SLC8A2: variants seen among roughly 807,000 people sequenced by gnomAD.
SLC8A2 encodes solute carrier family 8 member A2.
Under a neutral mutation model 70.2 loss-of-function variants are expected in SLC8A2, and 14 were observed. The ratio of observed to expected loss-of-function variants is 0.20; its 90% CI spans 0.13 to 0.31. The LOEUF is 0.31. SLC8A2 is among the 10% of genes least tolerant of loss of function. The pLI is 1.00. For missense variants in SLC8A2, 779 were observed against 1,320.1 expected (o/e 0.59, Z 6.35); for synonymous variants, 575 against 594.3 (o/e 0.97, Z 0.47).
intron 2 of SLC8A2, among the ~76,000 whole-genome samples, chr19:47,463,483 G>A (rs1599859658): frequency 1.3e-5 from 2 of 148,572 alleles, no homozygotes; most frequent in Middle Eastern, 7.1e-3. Flanking sequence ...TGTAATCCCA[G>A]CACTTTGGGA....
At chr19:47,453,562 C>T (rs1210437496) in intron 3 of SLC8A2, among the ~76,000 whole-genome samples, 1 of 152,174 alleles carries the variant, frequency 6.6e-6, no homozygotes, top group Admixed American at 6.5e-5. Flanking sequence ...CTCTTCTTAG[C>T]CCTTTGGTTC....
Position 47,468,755 on chromosome 19 carries a change from G to C in SLC8A2, c.-16-2336C>G, listed in dbSNP as rs978351544. 2.6e-5 allele frequency among the ~76,000 whole-genome samples: 4 copies of C among 152,130 alleles called. No individual in the cohort carries two copies. The East Asian group carries it at 7.7e-4, about 29-fold the overall frequency. On this transcript the variant is annotated intron_variant, in intron 1 of 9. Transcript: ENST00000236877. The surrounding 1 kb of genome is among the most constrained non-coding windows in gnomAD (Gnocchi z 5.1). Reference sequence around the variant, plus strand: ...AAGGCGCAGAGAGGTTACGGAACTTGCCCACATCATCCAGCACCAACTCTG... The same window carrying C: ...AAGGCGCAGAGAGGTTACGGAACTTCCCCACATCATCCAGCACCAACTCTG...
At chr19:47,470,370 C>T (rs955170924) in intron 1 of SLC8A2, among the ~76,000 whole-genome samples, 3 of 152,088 alleles carry the variant, frequency 2.0e-5, no homozygotes, top group African/African-American at 7.2e-5. Context: ...CACACACACA[C>T]ACACACACAC....
At chr19:47,463,846 A>G (rs1967426917) in intron 2 of SLC8A2, among the ~76,000 whole-genome samples, 1 of 152,148 alleles carries the variant, frequency 6.6e-6, no homozygotes, top group Non-Finnish European at 1.5e-5. Context: ...GGAACAATTC[A>G]GTTAATCCTC....
intron 4 of SLC8A2, among the ~76,000 whole-genome samples, chr19:47,446,409 T>C (rs1967163248): frequency 6.6e-6 from 1 of 152,122 alleles, no homozygotes; most frequent in Non-Finnish European, 1.5e-5. Flanking sequence ...TACGTGTCCG[T>C]GATTTTATGT....
At chr19:47,440,630 TC>T (rs1399154487) in intron 6 of SLC8A2, among the ~76,000 whole-genome samples, 2 of 151,920 alleles carry the variant, frequency 1.3e-5, no homozygotes, top group Non-Finnish European at 2.9e-5. Flanking sequence ...TCGTTCTTGT[TC>T]CCCAGCGTGG....
chr19:47,459,190 C>G (rs1967356863), intron 2 of SLC8A2, among the ~76,000 whole-genome samples: 1 of 151,838 alleles, frequency 6.6e-6, no homozygotes. Flanking sequence ...CCACATTTCT[C>G]TCTCTCCATC....
At chr19:47,439,925 A>G (rs1417516322) in intron 6 of SLC8A2, among the ~76,000 whole-genome samples, 1 of 152,194 alleles carries the variant, frequency 6.6e-6, no homozygotes, top group Non-Finnish European at 1.5e-5. Context: ...GGGCCTCTCA[A>G]AGTGCTGGGA....
chr19:47,437,721 T>G, intron 7 of SLC8A2, 128 bp downstream of exon 7: 2 of 1,227,628 alleles, frequency 1.6e-6, no homozygotes, highest in Non-Finnish European at 2.4e-6. Flanking sequence ...GCATGTGCTG[T>G]CCGTGGTCCT....
chr19:47,464,271 C>T (rs1967431688), intron 2 of SLC8A2, among the ~76,000 whole-genome samples: 1 of 152,006 alleles, frequency 6.6e-6, no homozygotes, highest in African/African-American at 2.4e-5. Context: ...ACCACCATGC[C>T]AGGCTAGTTT....
intron 2 of SLC8A2, among the ~76,000 whole-genome samples, chr19:47,461,679 C>T (rs141413822): frequency 7.8e-4 from 119 of 152,298 alleles, no homozygotes; most frequent in African/African-American, 2.5e-3. Context: ...GAAAAGGAGC[C>T]GAATGTTCAG....
At chr19:47,439,029 A>G (rs1444466837) in intron 6 of SLC8A2, among the ~76,000 whole-genome samples, 1 of 152,134 alleles carries the variant, frequency 6.6e-6, no homozygotes, top group East Asian at 1.9e-4. Flanking sequence ...AGTTATGGAC[A>G]CTAGAATGTG....
Position 47,450,238 on chromosome 19 carries a change from T to C in SLC8A2, c.1341-2007A>G, listed in dbSNP as rs529077855. 2.0e-4 allele frequency among the ~76,000 whole-genome samples: 31 copies of C among 152,240 alleles called. 1 individual carries two copies. The South Asian group carries it at 5.4e-3, about 26-fold the overall frequency. On this transcript the variant is annotated intron_variant, in intron 3 of 9. Transcript: ENST00000236877. The stretch of plus-strand genomic sequence containing the variant: ...TATCACTTTCATATTAAAGGGGTTC[T>C]GGGGCCGGGCGCGGTGGCTCACGCC...
rs1028604115 is a variant in SLC8A2, at chr19:47,452,441, A to T, written c.1341-4210T>A. On this transcript the variant is annotated intron_variant, in intron 3 of 9. Coordinates refer to ENST00000236877, the MANE Select transcript of SLC8A2 (RefSeq NM_015063.3). Reference sequence around the variant, plus strand: ...GAGAGAGAGAGAGAGAGAGAGAGAGAGAGAGTGTGTGTGTGTGTGTGTGTG... The same window carrying T: ...GAGAGAGAGAGAGAGAGAGAGAGAGTGAGAGTGTGTGTGTGTGTGTGTGTG... 7.8e-3 allele frequency among the ~76,000 whole-genome samples: 508 copies of T among 65,084 alleles called. 4 individuals are homozygous for T. Among genetic ancestry groups the T allele is most frequent in the African/African-American group, 0.025 (371 of 15,132 alleles). 42.7% of individuals were successfully genotyped at this position (65,084 alleles called of 152,430 possible). A position where few individuals can be genotyped will look rare whatever the true frequency, so the allele number is the denominator to read the frequency against.
In SLC8A2 at chr19:47,432,479, CAG is replaced by C. The variant is rs1568439007; in HGVS notation, c.2111-36_2111-35del. 6.5e-7 allele frequency: 1 copy of C among 1,537,664 alleles called. No homozygotes were observed. Among genetic ancestry groups the C allele is most frequent in the South Asian group, 1.2e-5 (1 of 80,112 alleles). Reference sequence around the variant, plus strand: ...ACACGACCCAGCTGGGGCATACACTCAGACTTCCTTCCTTGCCTACAGAGGCC... The same window carrying C: ...ACACGACCCAGCTGGGGCATACACTCACTTCCTTCCTTGCCTACAGAGGCC... On this transcript the variant is annotated intron_variant, in intron 8 of 9. Coordinates refer to ENST00000236877, the MANE Select transcript of SLC8A2 (RefSeq NM_015063.3). The surrounding 1 kb of genome is among the most constrained non-coding windows in gnomAD (Gnocchi z 6.2).
At chr19:47,450,361 A>G (rs1241755610) in intron 3 of SLC8A2, among the ~76,000 whole-genome samples, 1 of 152,188 alleles carries the variant, frequency 6.6e-6, no homozygotes, top group Non-Finnish European at 1.5e-5. Context: ...CGTTTCTACT[A>G]AAAATACAAA....
At chr19:47,439,354 C>T (rs1174431428) in intron 6 of SLC8A2, among the ~76,000 whole-genome samples, 1 of 151,988 alleles carries the variant, frequency 6.6e-6, no homozygotes, top group African/African-American at 2.4e-5. Flanking sequence ...ATGGTGAAAC[C>T]CCATCTCTAC....
chr19:47,470,345 T>TCACA (rs1555751618), intron 1 of SLC8A2, among the ~76,000 whole-genome samples: 2 of 109,142 alleles, frequency 1.8e-5, no homozygotes, highest in Non-Finnish European at 2.1e-5. Flanking sequence ...CAGGGAGACA[T>TCACA]CATACACACA....
At chr19:47,446,484 A>G (rs1967164313) in intron 4 of SLC8A2, among the ~76,000 whole-genome samples, 1 of 152,002 alleles carries the variant, frequency 6.6e-6, no homozygotes, top group South Asian at 2.1e-4. Flanking sequence ...GCTGGAGTGC[A>G]GTGGGTGATC....
Sources: allele counts gnomAD v4.1 joint callset (sites outside exome capture counted in the v4.1 genomes callset), GRCh38; gene constraint gnomAD v4.1.1; non-coding constraint Gnocchi (gnomAD v3.1); transcripts MANE v1.5; gene names NCBI Gene and HGNC (gene_info 2026-07-23, HGNC 2026-07-21).